Variants in NRXN3 observed in about 807,000 individuals in gnomAD.
NRXN3 encodes neurexin 3, also known as neurexin III.
In NRXN3, 32 loss-of-function variants were observed where a neutral mutation model predicts 137.6. The observed-to-expected ratio is 0.23, with a 90% CI of 0.18 to 0.31. The LOEUF is 0.31. Ranked by LOEUF, NRXN3 falls within the 10% of genes least tolerant of loss-of-function variation. The probability of loss-of-function intolerance (pLI) is 1.00; values close to 1 mark genes in which losing one functional copy is unlikely to be tolerated. For synonymous variants in NRXN3, 798 were observed against 784.5 expected (o/e 1.02, Z -0.29); for missense variants, 1,574 against 2,062.5 (o/e 0.76, Z 4.59).
chr14:78,750,577 G>A (rs1398555147), intron 8 of NRXN3, among the ~76,000 whole-genome samples: 1 of 152,170 alleles, frequency 6.6e-6, no homozygotes, highest in Admixed American at 6.5e-5. Flanking sequence ...GATACTCAGA[G>A]AGATTAGACA....
chr14:78,499,926 G>A (rs578159574), intron 4 of NRXN3, among the ~76,000 whole-genome samples: 3 of 152,128 alleles, frequency 2.0e-5, no homozygotes, highest in East Asian at 1.9e-4. Context: ...CTTATATAAA[G>A]TAATCACAGA....
chr14:79,676,741 T>A (rs2098642865), intron 17 of NRXN3, among the ~76,000 whole-genome samples: 1 of 151,980 alleles, frequency 6.6e-6, no homozygotes, highest in African/African-American at 2.4e-5. Flanking sequence ...ATACTTTTTT[T>A]AAAAGCCAAA....
chr14:79,293,809 A>G (rs1472722680), intron 15 of NRXN3, among the ~76,000 whole-genome samples: 2 of 152,234 alleles, frequency 1.3e-5, no homozygotes, highest in Non-Finnish European at 2.9e-5. Context: ...AGCAGCCTAG[A>G]GGGGAAATTC....
chr14:78,437,329 T>G (rs2153692929), intron 4 of NRXN3, among the ~76,000 whole-genome samples: 1 of 150,734 alleles, frequency 6.6e-6, no homozygotes, highest in African/African-American at 2.5e-5. Flanking sequence ...GTTTATTTTT[T>G]TCTTTTCTTT....
intron 10 of NRXN3, among the ~76,000 whole-genome samples, chr14:78,861,267 A>G (rs1318250402): frequency 1.3e-5 from 2 of 152,090 alleles, no homozygotes; most frequent in Non-Finnish European, 2.9e-5. Context: ...CTGAACATTA[A>G]TTTGCATTAG....
chr14:79,748,124 A>C (rs536974126), intron 19 of NRXN3, among the ~76,000 whole-genome samples: 1 of 152,180 alleles, frequency 6.6e-6, no homozygotes, highest in East Asian at 1.9e-4. Flanking sequence ...TGATAGCTGC[A>C]ACAAATCACC....
intron 16 of NRXN3, among the ~76,000 whole-genome samples, chr14:79,476,541 T>C (rs2096561384): frequency 6.6e-6 from 1 of 152,092 alleles, no homozygotes; most frequent in African/African-American, 2.4e-5. Context: ...TATAATTCAG[T>C]TTATTTTTCC....
At chr14:79,212,627 T>C (rs1191605979) in intron 15 of NRXN3, among the ~76,000 whole-genome samples, 1 of 152,134 alleles carries the variant, frequency 6.6e-6, no homozygotes, top group African/African-American at 2.4e-5. Flanking sequence ...ACTATATGGA[T>C]ATAATAAACA....
intron 15 of NRXN3, among the ~76,000 whole-genome samples, chr14:79,129,290 T>C (rs2057065791): frequency 6.7e-6 from 1 of 148,898 alleles, no homozygotes; most frequent in African/African-American, 2.5e-5. Flanking sequence ...TTTTGGATCT[T>C]TCCTGCTTTC....
chr14:79,587,990 A>G (rs1002687974), intron 16 of NRXN3, among the ~76,000 whole-genome samples: 1 of 152,208 alleles, frequency 6.6e-6, no homozygotes, highest in Non-Finnish European at 1.5e-5. Context: ...CTTAGAAGAT[A>G]TATGTAGCTA....
intron 15 of NRXN3, among the ~76,000 whole-genome samples, chr14:79,044,054 C>T (rs911446116): frequency 2.0e-5 from 3 of 152,150 alleles, no homozygotes; most frequent in Admixed American, 6.5e-5. Flanking sequence ...TTCCACATGT[C>T]TTCTGTAGGG....
intron 19 of NRXN3, among the ~76,000 whole-genome samples, chr14:79,732,192 CTG>C (rs1221780000): frequency 6.6e-6 from 1 of 152,088 alleles, no homozygotes; most frequent in Non-Finnish European, 1.5e-5. Flanking sequence ...CTCAGCCTCT[CTG>C]TTTTTACTGT....
chr14:79,557,099 G>A (rs1404870760), intron 16 of NRXN3, among the ~76,000 whole-genome samples: 4 of 151,940 alleles, frequency 2.6e-5, no homozygotes, highest in Non-Finnish European at 5.9e-5. Flanking sequence ...GGCTTGGCTT[G>A]ACTCCCCCTT....
At chr14:79,822,824 CAAACAAACAAAA>C (rs1468622916) in intron 20 of NRXN3, among the ~76,000 whole-genome samples, 1 of 151,504 alleles carries the variant, frequency 6.6e-6, no homozygotes, top group Non-Finnish European at 1.5e-5. Context: ...AACAAACAAA[CAAACAAACAAAA>C]AAACCAAAAA....
chr14:78,367,582 T>C (rs1350992333), intron 4 of NRXN3, among the ~76,000 whole-genome samples: 1 of 152,218 alleles, frequency 6.6e-6, no homozygotes, highest in Admixed American at 6.5e-5. Context: ...TATGTGCCAT[T>C]ATCTCCTAAG....
chr14:78,893,423 A>G lies in NRXN3; in HGVS notation c.2276-63819A>G, dbSNP rs951845460. On this transcript the variant is annotated intron_variant, in intron 10 of 20. Transcript: ENST00000335750. ...TTTCATAATGGTGGTGGGAGAGTCC[A>G]TGCCGAATCTCCTGTTGGTTGAAGA... is the stretch of plus-strand genomic sequence containing the variant. 2.6e-5 allele frequency among the ~76,000 whole-genome samples: 4 copies of G among 152,032 alleles called. No individual in the cohort carries two copies. The South Asian group carries it at 8.3e-4, about 31-fold the overall frequency.
At chr14:78,653,964 G>A (rs575401461) in intron 6 of NRXN3, among the ~76,000 whole-genome samples, 1 of 152,286 alleles carries the variant, frequency 6.6e-6, no homozygotes, top group Non-Finnish European at 1.5e-5. Context: ...GGAAATGATA[G>A]GCAAAGCTAG....
At chr14:79,283,495 T>G (rs1425784999) in intron 15 of NRXN3, among the ~76,000 whole-genome samples, 2 of 152,168 alleles carry the variant, frequency 1.3e-5, no homozygotes, top group Non-Finnish European at 2.9e-5. Flanking sequence ...TACCTACACT[T>G]TTGCCTGTGC....
rs766407906 is a variant in NRXN3 at position 78,243,468 on chromosome 14, T to C, written c.375T>C (p.Leu125=). The change falls in exon 2 of 21, where the codon CTT becomes CTC. Residue 125 remains leucine (L), a synonymous_variant. Transcript: ENST00000335750. This position sits in a 1 kb window ranked among gnomAD's most constrained non-coding sequence, Gnocchi z 4.2. ...ACCGCCTGCGCACGGTGCTGATGCT[T>C]GATGGCGAGGGCCAGTCTGGGGAGC... ...SRDRLRTVLM[L]DGEGQSGELQ... 2.5e-6 allele frequency: 4 copies of C among 1,584,102 alleles called. No homozygotes were observed. In the African/African-American group the frequency reaches 4.0e-5, roughly 16 times the overall value.
Sources: gnomAD v4.1 joint callset for allele counts (sites outside exome capture counted in the v4.1 genomes callset) on GRCh38, gnomAD v4.1.1 for gene constraint, Gnocchi (gnomAD v3.1) non-coding constraint, MANE v1.5 for transcripts, NCBI Gene and HGNC (gene_info 2026-07-23, HGNC 2026-07-21) for gene names.